The following PIGN variants were observed in gnomAD, a reference collection of about 807,000 sequenced individuals.
PIGN encodes the protein GPI ethanolamine phosphate transferase 1.
In PIGN, 117 loss-of-function variants were observed where a neutral mutation model predicts 125.4. The observed-to-expected ratio is 0.93, with a 90% CI of 0.80 to 1.09. PIGN has a LOEUF of 1.09. Ranked by LOEUF, PIGN falls within the 50% of genes least tolerant of loss-of-function variation. The pLI is 0.00. For missense variants in PIGN, 1,075 were observed against 1,094.9 expected (o/e 0.98, Z 0.26); for synonymous variants, 392 against 377.8 (o/e 1.04, Z -0.44).
At chr18:62,184,679 A>T (rs2037834507) in intron 1 of PIGN, 1 of 152,218 alleles carries the variant, frequency 6.6e-6, no homozygotes. Flanking sequence ...GAAACATTTT[A>T]AATCTATTTT....
At chr18:62,101,986 G>A (rs1456687742) in intron 21 of PIGN, among the ~76,000 whole-genome samples, 1 of 151,936 alleles carries the variant, frequency 6.6e-6, no homozygotes, top group East Asian at 2.0e-4. Context: ...CCAGGACTTT[G>A]GGAGGCCGGG....
chr18:62,019,780 A>G (rs893337072), intron 23 of PIGN, among the ~76,000 whole-genome samples: 3 of 152,222 alleles, frequency 2.0e-5, no homozygotes, highest in African/African-American at 7.2e-5. Flanking sequence ...CAACAATAAC[A>G]CTGGACAAAA....
chr18:62,152,868 ATTTT>A (rs67953114), intron 7 of PIGN, among the ~76,000 whole-genome samples: 6,207 of 144,832 alleles, frequency 0.043, 423 homozygotes, highest in African/African-American at 0.15. Context: ...ATATATATAT[ATTTT>A]TTTTTTTAAC....
intron 30 of PIGN, among the ~76,000 whole-genome samples, chr18:62,055,731 T>C (rs1392980676): frequency 6.6e-6 from 1 of 152,016 alleles, no homozygotes; most frequent in East Asian, 1.9e-4. Context: ...ATGAAATGTT[T>C]AATTAAAAAT....
intron 6 of PIGN, 130 bp from the exon 7 acceptor site, chr18:62,154,781 GA>G: frequency 1.6e-6 from 1 of 620,414 alleles, no homozygotes; most frequent in Non-Finnish European, 2.8e-6. Flanking sequence ...TTATGATGGG[GA>G]AGAGAAAAAT....
chr18:62,160,114 A>G (rs2036892685), intron 4 of PIGN, among the ~76,000 whole-genome samples: 2 of 152,200 alleles, frequency 1.3e-5, no homozygotes, highest in African/African-American at 4.8e-5. Flanking sequence ...CTCCGTCTCA[A>G]AAAAAAGAAA....
chr18:62,040,210 G>C (rs1471776034), downstream of PIGN, among the ~76,000 whole-genome samples: 2 of 115,536 alleles, frequency 1.7e-5, no homozygotes, highest in Non-Finnish European at 3.6e-5. Context: ...GCCCCATCCA[G>C]GGTGCCGCAC....
At chr18:62,138,176 G>A (rs552938478) in intron 14 of PIGN, 67 bp downstream of exon 14, 37 of 1,530,110 alleles carry the variant, frequency 2.4e-5, no homozygotes, top group Non-Finnish European at 3.1e-5. Flanking sequence ...CTATCACTCA[G>A]TGAAAAATTG....
intron 6 of PIGN, among the ~76,000 whole-genome samples, chr18:62,156,572 C>T (rs2036742564): frequency 6.6e-6 from 1 of 152,140 alleles, no homozygotes; most frequent in African/African-American, 2.4e-5. Context: ...CTCAAGTGAT[C>T]CACCTGCCTC....
chr18:62,154,745 C>A, intron 6 of PIGN, 94 bp from the exon 7 acceptor site: 1 of 684,088 alleles, frequency 1.5e-6, no homozygotes, highest in South Asian at 1.7e-5. Context: ...TTGTGAGTAA[C>A]CAGAATTTTC....
chr18:62,060,788 A>G (rs1362250961), intron 30 of PIGN, among the ~76,000 whole-genome samples: 2 of 152,212 alleles, frequency 1.3e-5, no homozygotes, highest in Non-Finnish European at 2.9e-5. Context: ...TGAGGACGCA[A>G]ATCTGAATAT....
chr18:62,096,835 T>C (rs1159561183), intron 22 of PIGN, among the ~76,000 whole-genome samples: 2 of 145,104 alleles, frequency 1.4e-5, no homozygotes, highest in Non-Finnish European at 3.0e-5. Context: ...TCCAATTTCA[T>C]CCATGTCCCT....
chr18:62,127,672 TG>T lies in PIGN; in HGVS notation c.1172+10570del, dbSNP rs2146928521. Among the ~76,000 whole-genome samples the T allele has an allele frequency of 1.9e-5, 2 of 107,974 alleles. 1 individual carries two copies. Among genetic ancestry groups the T allele is most frequent in the African/African-American group, 7.0e-5 (2 of 28,624 alleles). The allele number at this position is 107,974 out of a possible 152,430, so 70.8% of individuals were successfully genotyped here. A position where few individuals can be genotyped will look rare whatever the true frequency, so the allele number is the denominator to read the frequency against. ...ATTTGCTTGAACAACTGCAACAGTC[TG>T]GTTTTTTTGTGTGTTTTTTTTTTGT... On this transcript the variant is annotated intron_variant, in intron 14 of 30. Coordinates refer to ENST00000640252, the MANE Select transcript of PIGN (RefSeq NM_176787.5).
chr18:62,114,331 C>T (rs927503745), intron 15 of PIGN, among the ~76,000 whole-genome samples: 1 of 149,818 alleles, frequency 6.7e-6, no homozygotes. Flanking sequence ...CACTGCACTC[C>T]AGCCTGGGCA....
chr18:62,143,702 G>A (rs1161592383), intron 10 of PIGN, among the ~76,000 whole-genome samples: 1 of 152,106 alleles, frequency 6.6e-6, no homozygotes, highest in Non-Finnish European at 1.5e-5. Context: ...GTTCTAGAGA[G>A]TTATTAAGGC....
chr18:62,077,430 T>A (rs183186139), intron 28 of PIGN, among the ~76,000 whole-genome samples: 47 of 152,308 alleles, frequency 3.1e-4, no homozygotes, highest in Non-Finnish European at 5.0e-4. Flanking sequence ...ATACCTTTTT[T>A]AAAAAGTTTT....
At chr18:62,067,732 A>G (rs2032607499) in intron 30 of PIGN, among the ~76,000 whole-genome samples, 1 of 152,214 alleles carries the variant, frequency 6.6e-6, no homozygotes, top group Non-Finnish European at 1.5e-5. Flanking sequence ...GTGCTGATGA[A>G]CATTTGGGTT....
chr18:62,158,726 T>C (rs1334383100), intron 4 of PIGN, among the ~76,000 whole-genome samples: 3 of 152,226 alleles, frequency 2.0e-5, no homozygotes, highest in Non-Finnish European at 2.9e-5. Context: ...TCTTTTACTA[T>C]TGACTTACCT....
chr18:62,153,763 C>T (rs978499274), intron 7 of PIGN: 1 of 152,048 alleles, frequency 6.6e-6, no homozygotes, highest in African/African-American at 2.4e-5. Flanking sequence ...AAGAAAAAGG[C>T]AGATATATAC....
Sources: allele counts gnomAD v4.1 joint callset (sites outside exome capture counted in the v4.1 genomes callset), GRCh38; gene constraint gnomAD v4.1.1; transcripts MANE v1.5; gene names NCBI Gene and HGNC (gene_info 2026-07-23, HGNC 2026-07-21).